Variants in MMP16 observed in about 807,000 individuals in gnomAD.
MMP16 encodes matrix metalloproteinase-16.
A neutral mutation model predicts 67.8 loss-of-function variants in MMP16; 12 were observed. That is an observed-to-expected ratio of 0.18 (90% CI 0.11 to 0.29). The LOEUF is 0.29. Among genes scored for constraint, MMP16 ranks in the 10% least tolerant of loss-of-function variants. MMP16 has a pLI of 1.00. For synonymous variants in MMP16, 249 were observed against 255.9 expected, an observed-to-expected ratio of 0.97 and a Z score of 0.26; for missense variants, 475 against 765.7, an observed-to-expected ratio of 0.62 and a Z score of 4.48.
intron 1 of MMP16, among the ~76,000 whole-genome samples, chr8:88,229,430 G>T (rs1809824252): frequency 6.6e-6 from 1 of 152,012 alleles, no homozygotes; most frequent in Non-Finnish European, 1.5e-5. Context: ...TCTCAACATG[G>T]CTACAGAGCA....
intron 1 of MMP16, among the ~76,000 whole-genome samples, chr8:88,296,379 C>G (rs1218754077): frequency 6.6e-6 from 1 of 152,114 alleles, no homozygotes; most frequent in East Asian, 1.9e-4. Flanking sequence ...ATCAATCAAG[C>G]TAATGAACAC....
intron 1 of MMP16, among the ~76,000 whole-genome samples, chr8:88,206,526 G>A (rs1167203131): frequency 6.6e-6 from 1 of 152,160 alleles, no homozygotes. Flanking sequence ...CCTGCAAGGG[G>A]ATGGCATCCT....
chr8:88,061,169 CA>C (rs1563520444), intron 7 of MMP16, among the ~76,000 whole-genome samples: 10 of 144,836 alleles, frequency 6.9e-5, no homozygotes, highest in African/African-American at 1.8e-4. Context: ...CACACACACA[CA>C]CCCCTCATCC....
intron 4 of MMP16, among the ~76,000 whole-genome samples, chr8:88,138,327 G>C (rs914928616): frequency 2.6e-5 from 4 of 151,888 alleles, no homozygotes; most frequent in Non-Finnish European, 5.9e-5. Flanking sequence ...TGTCCCAACT[G>C]TGCTAATGTA....
chr8:88,192,242 T>TTGC, intron 2 of MMP16, among the ~76,000 whole-genome samples: 1 of 152,322 alleles, frequency 6.6e-6, no homozygotes, highest in East Asian at 1.9e-4. Context: ...GCTAAAAATG[T>TTGC]TGCGGCTGAC....
At position 88,041,614 on chromosome 8, in the gene MMP16, G is replaced by A. The variant is rs1472347578; in HGVS notation, c.1671C>T (p.Asn557=). The A allele has an allele frequency of 1.9e-6, 3 of 1,614,150 alleles. No homozygotes were observed. Among genetic ancestry groups the A allele is most frequent in the Non-Finnish European group, 2.5e-6 (3 of 1,180,012 alleles). The change falls in exon 10 of 10, where the codon AAC becomes AAT. Residue 557 remains asparagine, a synonymous_variant. Coordinates refer to ENST00000286614, the MANE Select transcript of MMP16 (RefSeq NM_005941.5). This position sits in a 1 kb window ranked among gnomAD's most constrained non-coding sequence, Gnocchi z 6.0. ...CTATGGCTTTCACAGTGCTGGCTGTGTTGTCCAGTTTGATGACAATGTCTA... is the reference window on the plus strand; with the variant it reads ...CTATGGCTTTCACAGTGCTGGCTGTATTGTCCAGTTTGATGACAATGTCTA... ...DDVDIVIKLD[N]TASTVKAIAI... is the part of the protein sequence containing the mutation.
intron 5 of MMP16, among the ~76,000 whole-genome samples, chr8:88,118,247 C>G (rs772983074): frequency 1.7e-4 from 26 of 151,922 alleles, no homozygotes; most frequent in Admixed American, 5.3e-4. Flanking sequence ...TGTGGGCCTT[C>G]AAAAGTGTTT....
chr8:88,302,570 C>T (rs968367230), intron 1 of MMP16, among the ~76,000 whole-genome samples: 2 of 150,098 alleles, frequency 1.3e-5, no homozygotes, highest in Non-Finnish European at 3.0e-5. Context: ...TCCGGAGACA[C>T]GAAGAGAAAA....
At chr8:88,244,687 G>C (rs1586223420) in intron 1 of MMP16, among the ~76,000 whole-genome samples, 1 of 152,114 alleles carries the variant, frequency 6.6e-6, no homozygotes, top group Non-Finnish European at 1.5e-5. Flanking sequence ...GTTGGTAAAA[G>C]GTAGGGCTGG....
intron 3 of MMP16, among the ~76,000 whole-genome samples, chr8:88,185,948 A>C (rs998197302): frequency 6.6e-6 from 1 of 152,204 alleles, no homozygotes. Context: ...CTCAGTAAGC[A>C]GTTGTTCAAT....
At chr8:88,289,738 C>T (rs921560317) in intron 1 of MMP16, among the ~76,000 whole-genome samples, 4 of 149,560 alleles carry the variant, frequency 2.7e-5, no homozygotes, top group African/African-American at 9.9e-5. Flanking sequence ...ACACCCCACT[C>T]ATATAATCTT....
rs537711611 is a variant in MMP16 at position 88,100,771 on chromosome 8, T to C, written c.1083+15736A>G. 7.2e-5 allele frequency among the ~76,000 whole-genome samples: 11 copies of C among 152,100 alleles called. No homozygotes were observed. In the East Asian group the frequency reaches 2.1e-3, roughly 30 times the overall value. On this transcript the variant is annotated intron_variant, in intron 6 of 9. Transcript: ENST00000286614. ...GACTGGATTAAGAAAATGTGGCACATATACACCATGGAATACTATGCAGCC... is the reference window on the plus strand; with the variant it reads ...GACTGGATTAAGAAAATGTGGCACACATACACCATGGAATACTATGCAGCC...
chr8:88,052,495 T>A (rs1808282843), intron 8 of MMP16, among the ~76,000 whole-genome samples: 1 of 152,090 alleles, frequency 6.6e-6, no homozygotes, highest in African/African-American at 2.4e-5. Context: ...ACGCCTCCAC[T>A]CTTGGAGCCC....
intron 1 of MMP16, among the ~76,000 whole-genome samples, chr8:88,268,611 T>C (rs1810516533): frequency 6.6e-6 from 1 of 152,134 alleles, no homozygotes; most frequent in African/African-American, 2.4e-5. Flanking sequence ...CCATAATAGG[T>C]CAACTTTCTT....
At chr8:88,042,053 G>C (rs966781444) in intron 9 of MMP16, among the ~76,000 whole-genome samples, 1 of 152,126 alleles carries the variant, frequency 6.6e-6, no homozygotes, top group African/African-American at 2.4e-5. Context: ...ACTGTTCAAA[G>C]ACCATGCTAT....
intron 7 of MMP16, among the ~76,000 whole-genome samples, chr8:88,059,680 C>T (rs1002124857): frequency 2.0e-5 from 3 of 152,078 alleles, no homozygotes; most frequent in South Asian, 2.1e-4. Flanking sequence ...TCCCTTCCAT[C>T]GTCCCTTCTA....
At chr8:88,323,188 G>A (rs770436481) in intron 1 of MMP16, among the ~76,000 whole-genome samples, 2 of 152,034 alleles carry the variant, frequency 1.3e-5, no homozygotes, top group African/African-American at 4.8e-5. Context: ...TTTTAAGCAA[G>A]CAAAGAACAA....
chr8:88,197,849 C>A (rs919325592), intron 1 of MMP16, among the ~76,000 whole-genome samples: 2 of 152,148 alleles, frequency 1.3e-5, no homozygotes, highest in African/African-American at 2.4e-5. Context: ...TCTATCCAAT[C>A]GTAGCTAGGT....
intron 1 of MMP16, among the ~76,000 whole-genome samples, chr8:88,249,636 T>G (rs895184689): frequency 6.6e-6 from 1 of 152,112 alleles, no homozygotes; most frequent in African/African-American, 2.4e-5. Flanking sequence ...GCCCTTCACC[T>G]GGCTAGACAA....
Sources: gnomAD v4.1 joint callset for allele counts (sites outside exome capture counted in the v4.1 genomes callset) on GRCh38, gnomAD v4.1.1 for gene constraint, Gnocchi (gnomAD v3.1) non-coding constraint, MANE v1.5 for transcripts, NCBI Gene and HGNC (gene_info 2026-07-23, HGNC 2026-07-21) for gene names.